STAB2: variants seen among roughly 807,000 people sequenced by gnomAD.
The protein encoded by STAB2 is stabilin-2.
A neutral mutation model predicts 338.1 loss-of-function variants in STAB2; 288 were observed. The ratio of observed to expected loss-of-function variants is 0.85; its 90% CI spans 0.77 to 0.94. The LOEUF is 0.94. Among genes scored for constraint, STAB2 ranks in the 40% least tolerant of loss-of-function variants. The pLI, the probability that STAB2 is intolerant of heterozygous loss-of-function variation, is 0.00. For synonymous variants in STAB2, 1,202 were observed against 1,193.3 expected (o/e 1.01, Z -0.15); for missense variants, 3,141 against 3,210.1 (o/e 0.98, Z 0.52).
chr12:103,592,054 T>G (rs1956806783), intron 2 of STAB2: 2 of 152,146 alleles, frequency 1.3e-5, no homozygotes, highest in South Asian at 4.1e-4. Context: ...ATCAAAATCA[T>G]CATTTTAAAT....
intron 9 of STAB2, among the ~76,000 whole-genome samples, chr12:103,644,193 ATTC>A (rs1485127216): frequency 7.3e-5 from 10 of 136,374 alleles, no homozygotes; most frequent in Non-Finnish European, 1.3e-4. Context: ...ACTAAGAAAA[ATTC>A]TTCTGCCTTG....
chr12:103,666,478 C>T (rs1875115603), intron 19 of STAB2, 125 bp downstream of exon 19: 7 of 936,886 alleles, frequency 7.5e-6, no homozygotes, highest in East Asian at 5.2e-5. Flanking sequence ...AAGATGGGCT[C>T]GTAGCCTACT....
intron 43 of STAB2, 135 bp downstream of exon 43, chr12:103,716,023 T>A: frequency 1.0e-6 from 1 of 982,464 alleles, no homozygotes; most frequent in Non-Finnish European, 1.5e-6. Flanking sequence ...TTAGGGGAAA[T>A]TCTGAAAGAA....
rs1254207925 is a variant in STAB2 at position 103,763,574 on chromosome 12, C to A, written c.7571C>A (p.Ser2524Ter). Residue 2524 changes from serine (S) to a stop codon, truncating the protein, a stop_gained, in exon 68 of 69, where the codon TCA (serine) becomes TAA (stop). Transcript: ENST00000388887. LOFTEE classifies it low-confidence loss of function (END_TRUNC). ...ISNPLYESTTSAPPEPSYDPF... is the reference protein window; with the variant it reads ...ISNPLYESTT ...AACCCCTTGTATGAGAGCACAACCT[C>A]AGCTCCCCCAGAACCTTCCTACGAC... 2.5e-6 allele frequency: 4 copies of A among 1,614,110 alleles called. No individual in the cohort carries two copies. The highest frequency in any genetic ancestry group is 3.4e-6 in the Non-Finnish European group (4 of 1,180,004).
intron 9 of STAB2, among the ~76,000 whole-genome samples, chr12:103,643,431 G>T (rs1873066265): frequency 6.6e-6 from 1 of 152,090 alleles, no homozygotes; most frequent in Admixed American, 6.5e-5. Flanking sequence ...CACCTCCTGT[G>T]AGTCAGCCTA....
chr12:103,741,700 C>G (rs113641403), intron 55 of STAB2, among the ~76,000 whole-genome samples: 26 of 152,354 alleles, frequency 1.7e-4, no homozygotes, highest in African/African-American at 5.8e-4. Flanking sequence ...AGCAGTCCAT[C>G]CATCTTGGCC....
chr12:103,646,597 A>G (rs1174771267), intron 9 of STAB2, among the ~76,000 whole-genome samples: 2 of 152,206 alleles, frequency 1.3e-5, no homozygotes, highest in African/African-American at 2.4e-5. Context: ...CCATGTTGCT[A>G]TAATTATTTT....
rs745405406 is a variant in STAB2, at chr12:103,654,681, T to TTTGAGTGTTCTAACAATGAGAACACACA, written c.1539_1540insTGTTCTAACAATGAGAACACACATTGAG (p.Ser514CysfsTer9). ...AGCCATGGACAAGTTAGAACCCACA[T>TTTGAGTGTTCTAACAATGAGAACACACA]TTGAGAGCAACAATGAGGTGAGTAT... On this transcript the variant is annotated frameshift_variant, in exon 13 of 69. Coordinates refer to ENST00000388887, the MANE Select transcript of STAB2 (RefSeq NM_017564.10). LOFTEE classifies it high-confidence loss of function. 2 of 1,613,940 alleles carry TTTGAGTGTTCTAACAATGAGAACACACA rather than the reference T, an allele frequency of 1.2e-6. No individual in the cohort carries two copies. The highest frequency in any genetic ancestry group is 1.7e-6 in the Non-Finnish European group (2 of 1,179,950).
chr12:103,756,810 T>G (rs969687552), intron 63 of STAB2, among the ~76,000 whole-genome samples: 1 of 151,834 alleles, frequency 6.6e-6, no homozygotes, highest in African/African-American at 2.4e-5. Context: ...ACCAAAGATA[T>G]CCATCTCACT....
intron 57 of STAB2, 153 bp from the exon 58 acceptor site, chr12:103,746,444 G>C: frequency 1.5e-6 from 1 of 668,258 alleles, no homozygotes. Context: ...TCCAAGGCTA[G>C]AAAAGACCTT....
Position 103,766,311 on chromosome 12 carries a change from G to C in STAB2, c.7631G>C (p.Gly2544Ala), listed in dbSNP as rs758266652. The C allele has an allele frequency of 8.7e-6, 14 of 1,613,944 alleles. No homozygotes were observed. The highest frequency in any genetic ancestry group is 1.2e-5 in the Non-Finnish European group (14 of 1,179,916). ...FTDSEERQLE[G>A]NDPLRTL Reference sequence around the variant, plus strand: ...GACTCTGAAGAACGGCAGCTTGAGGGCAATGACCCCTTGAGGACACTGTGA... The same window carrying C: ...GACTCTGAAGAACGGCAGCTTGAGGCCAATGACCCCTTGAGGACACTGTGA... The change falls in exon 69 of 69, where the codon GGC (glycine) becomes GCC (alanine). Residue 2544 changes from glycine to alanine, a missense_variant. Coordinates refer to ENST00000388887, the MANE Select transcript of STAB2 (RefSeq NM_017564.10).
chr12:103,761,653 G>A (rs1039016417), intron 66 of STAB2, among the ~76,000 whole-genome samples: 1 of 152,066 alleles, frequency 6.6e-6, no homozygotes, highest in African/African-American at 2.4e-5. Context: ...GAAAGGGGGA[G>A]GATGGGCCAC....
intron 44 of STAB2, among the ~76,000 whole-genome samples, chr12:103,724,424 G>A (rs1006285592): frequency 6.6e-6 from 1 of 152,216 alleles, no homozygotes; most frequent in African/African-American, 2.4e-5. Context: ...TATGGGGTCA[G>A]GTGATGCGTG....
Position 103,588,878 on chromosome 12 carries a change from C to A in STAB2, c.81+1321C>A, listed in dbSNP as rs537614569. ...GCTTTTGTTATTACTCAATAAAGAA[C>A]CTTCTAGTGCTATTTTGGTTCATGA... On this transcript the variant is annotated intron_variant, in intron 1 of 68. Coordinates refer to ENST00000388887, the MANE Select transcript of STAB2 (RefSeq NM_017564.10). Among the ~76,000 whole-genome samples, 12 of 152,092 alleles carry A rather than the reference C, an allele frequency of 7.9e-5. 1 individual carries two copies. The highest frequency in any genetic ancestry group is 2.0e-4 in the Admixed American group (3 of 15,278).
At chr12:103,660,438 T>C (rs1411561351) in intron 16 of STAB2, 54 bp downstream of exon 16, 1 of 1,589,442 alleles carries the variant, frequency 6.3e-7, no homozygotes, top group African/African-American at 1.3e-5. Flanking sequence ...GATAGCTAAC[T>C]TAGTCTTGAA....
chr12:103,668,670 A>G lies in STAB2; in HGVS notation c.2113A>G (p.Ser705Gly). 1 of 1,551,810 alleles carries G rather than the reference A, an allele frequency of 6.4e-7. No individual in the cohort carries two copies. The highest frequency in any genetic ancestry group is 8.7e-7 in the Non-Finnish European group (1 of 1,147,064). The change falls in exon 20 of 69, where the codon AGT (serine) becomes GGT (glycine). Residue 705 changes from serine to glycine, a missense_variant. By Grantham distance (56) the Ser-to-Gly change is moderately conservative. Transcript: ENST00000388887. ...TALFTHRCVY[S>G]GRFGSLKSGC... ...ACTCTTCACACACAGATGTGTCTAC[A>G]GTGGCAGGTTTGGGAGCCTGAAGAG...
Position 103,591,118 on chromosome 12 carries a change from T to C in STAB2, c.215+88T>C. On this transcript the variant is annotated intron_variant, in intron 2 of 68. Coordinates refer to ENST00000388887, the MANE Select transcript of STAB2 (RefSeq NM_017564.10). ...AACTGCAAAGCATTTCCATGACTTT[T>C]CTCTTGCTCTAAGACAATAAGCCCA... 1.9e-6 allele frequency: 3 copies of C among 1,572,836 alleles called. No individual in the cohort carries two copies. The South Asian group carries it at 3.5e-5, about 18-fold the overall frequency.
chr12:103,741,703 T>A (rs1222688800), intron 55 of STAB2, among the ~76,000 whole-genome samples: 2 of 152,212 alleles, frequency 1.3e-5, no homozygotes, highest in Non-Finnish European at 2.9e-5. Flanking sequence ...AGTCCATCCA[T>A]CTTGGCCTCC....
At chr12:103,656,695 T>C (rs1243516313) in intron 15 of STAB2, among the ~76,000 whole-genome samples, 3 of 150,852 alleles carry the variant, frequency 2.0e-5, no homozygotes, top group East Asian at 3.9e-4. Flanking sequence ...TTTTTTTTTT[T>C]TTGAGACGGA....
Sources: gnomAD v4.1 joint callset for allele counts (sites outside exome capture counted in the v4.1 genomes callset) on GRCh38, gnomAD v4.1.1 for gene constraint, MANE v1.5 for transcripts, NCBI Gene and HGNC (gene_info 2026-07-23, HGNC 2026-07-21) for gene names.